Variants in SLC23A2 observed in about 807,000 individuals in gnomAD.
The protein encoded by SLC23A2 is solute carrier family 23 member 2.
In SLC23A2, 36 loss-of-function variants were observed where a neutral mutation model predicts 73.3. That is an observed-to-expected ratio of 0.49 (90% CI 0.38 to 0.65). SLC23A2 has a LOEUF of 0.65. Ranked by LOEUF, SLC23A2 falls within the 30% of genes least tolerant of loss-of-function variation. SLC23A2 has a pLI of 0.00. For missense variants in SLC23A2, 507 were observed against 841.6 expected, an observed-to-expected ratio of 0.60 and a Z score of 4.92; for synonymous variants, 343 against 327.3, an observed-to-expected ratio of 1.05 and a Z score of -0.52.
At chr20:5,006,519 G>A (rs1244612652) in intron 1 of SLC23A2, among the ~76,000 whole-genome samples, 1 of 151,708 alleles carries the variant, frequency 6.6e-6, no homozygotes, top group Non-Finnish European at 1.5e-5. Context: ...TCATCAAATT[G>A]ATGGCAAATG....
chr20:4,973,083 G>C (rs984313927), intron 1 of SLC23A2, among the ~76,000 whole-genome samples: 2 of 152,180 alleles, frequency 1.3e-5, no homozygotes, highest in African/African-American at 4.8e-5. Flanking sequence ...CAATATGTGT[G>C]GTTATGATTT....
chr20:4,957,344 C>T (rs1180707565), intron 2 of SLC23A2, among the ~76,000 whole-genome samples: 2 of 151,876 alleles, frequency 1.3e-5, no homozygotes, highest in Non-Finnish European at 2.9e-5. Flanking sequence ...TGCCTGTTAT[C>T]CCAGCTACTC....
intron 2 of SLC23A2, among the ~76,000 whole-genome samples, chr20:4,941,571 G>T (rs565871388): frequency 2.0e-5 from 3 of 151,884 alleles, no homozygotes; most frequent in Admixed American, 2.0e-4. Context: ...GCGTGGTGGA[G>T]CATGCCTGTA....
intron 2 of SLC23A2, among the ~76,000 whole-genome samples, chr20:4,964,852 A>G (rs1439529673): frequency 6.6e-6 from 1 of 150,566 alleles, no homozygotes; most frequent in Non-Finnish European, 1.5e-5. Flanking sequence ...AAAAAGAAGA[A>G]AAGAAAAAAA....
chr20:4,938,334 CTTT>C (rs752802054), intron 2 of SLC23A2, among the ~76,000 whole-genome samples: 23 of 124,896 alleles, frequency 1.8e-4, no homozygotes, highest in African/African-American at 5.1e-4. Context: ...CTCATTCCAT[CTTT>C]TTTTTTTTTT....
At chr20:4,992,180 A>G (rs2122330804) in intron 1 of SLC23A2, among the ~76,000 whole-genome samples, 1 of 152,314 alleles carries the variant, frequency 6.6e-6, no homozygotes, top group Admixed American at 6.5e-5. Flanking sequence ...AGGCACTACC[A>G]GATAATAAAG....
chr20:4,873,849 G>A (rs1436735020), intron 11 of SLC23A2, 87 bp downstream of exon 11: 6 of 1,348,438 alleles, frequency 4.4e-6, no homozygotes, highest in Non-Finnish European at 5.1e-6. Context: ...GACAGTCTGG[G>A]ACAAAGACGG....
At chr20:5,007,621 T>C (rs1330492443) in intron 1 of SLC23A2, among the ~76,000 whole-genome samples, 1 of 152,176 alleles carries the variant, frequency 6.6e-6, no homozygotes, top group Non-Finnish European at 1.5e-5. Context: ...GTACCACTAA[T>C]TTTAGAACAT....
Position 4,983,603 on chromosome 20 carries a change from G to A in SLC23A2, c.-281-12684C>T, listed in dbSNP as rs369291878. Among the ~76,000 whole-genome samples the A allele has an allele frequency of 1.8e-4, 26 of 145,364 alleles. No homozygotes were observed. The East Asian group carries it at 1.8e-3, about 10-fold the overall frequency. ...GGAGTTTGCAGTGAGCCGAGACCGC[G>A]CCACTGCACTCCAGCCTGGGTGACA... On this transcript the variant is annotated intron_variant, in intron 1 of 16. Coordinates refer to ENST00000338244, the MANE Select transcript of SLC23A2 (RefSeq NM_005116.6).
At chr20:4,991,720 TCACACACACACACACACACACACA>T (rs11471369) in intron 1 of SLC23A2, among the ~76,000 whole-genome samples, 14 of 139,424 alleles carry the variant, frequency 1.0e-4, no homozygotes, top group African/African-American at 3.0e-4. Context: ...AGACTCCGTT[TCACACACACACACACACACACACA>T]CACACACACA....
At chr20:4,871,631 T>C (rs1193994634) in intron 11 of SLC23A2, among the ~76,000 whole-genome samples, 1 of 152,108 alleles carries the variant, frequency 6.6e-6, no homozygotes. Flanking sequence ...AAGGGCAGAA[T>C]TGCTCCTGCC....
chr20:4,939,126 G>C (rs1319613636), intron 2 of SLC23A2, among the ~76,000 whole-genome samples: 1 of 152,184 alleles, frequency 6.6e-6, no homozygotes, highest in Non-Finnish European at 1.5e-5. Context: ...AACAAAGCAA[G>C]ATCATGTCTA....
At chr20:4,881,769 G>T (rs181041981) in intron 9 of SLC23A2, among the ~76,000 whole-genome samples, 2 of 152,130 alleles carry the variant, frequency 1.3e-5, no homozygotes, top group African/African-American at 4.8e-5. Flanking sequence ...GAATTTTCTT[G>T]AGAACACCTC....
intron 2 of SLC23A2, among the ~76,000 whole-genome samples, chr20:4,955,139 G>A (rs1264385626): frequency 6.6e-6 from 1 of 151,920 alleles, no homozygotes; most frequent in Non-Finnish European, 1.5e-5. Context: ...TGTGGTCCCA[G>A]CTACTGGGAA....
chr20:4,880,736 T>C (rs1036653178), intron 9 of SLC23A2, among the ~76,000 whole-genome samples: 10 of 151,630 alleles, frequency 6.6e-5, no homozygotes, highest in Non-Finnish European at 1.2e-4. Context: ...CACCTCTGCA[T>C]GCCTGGGTGC....
At chr20:4,959,629 A>G (rs1482557414) in intron 2 of SLC23A2, among the ~76,000 whole-genome samples, 2 of 151,356 alleles carry the variant, frequency 1.3e-5, no homozygotes, top group East Asian at 3.9e-4. Flanking sequence ...TCCCAAGTAG[A>G]TGGGACTATA....
In SLC23A2 at chr20:4,901,170, C is replaced by T. The variant is rs150581826; in HGVS notation, c.324+1272G>A. 2.8e-3 allele frequency among the ~76,000 whole-genome samples: 430 copies of T among 152,252 alleles called. 2 individuals are homozygous for T. Among genetic ancestry groups the T allele is most frequent in the African/African-American group, 9.9e-3 (413 of 41,524 alleles). ...TGCCGAGGCCACTCAGCTCCTTTTG[C>T]TCTGACTCCTCCCCTACTCAACAGA... On this transcript the variant is annotated intron_variant, in intron 5 of 16. Transcript: ENST00000338244.
chr20:4,900,478 GCTAA>G (rs930705752), intron 5 of SLC23A2, among the ~76,000 whole-genome samples: 1 of 152,130 alleles, frequency 6.6e-6, no homozygotes, highest in African/African-American at 2.4e-5. Flanking sequence ...GATTTGATTT[GCTAA>G]TATTTTATAC....
At chr20:4,954,706 A>G (rs1468228214) in intron 2 of SLC23A2, among the ~76,000 whole-genome samples, 1 of 151,338 alleles carries the variant, frequency 6.6e-6, no homozygotes, top group Non-Finnish European at 1.5e-5. Context: ...CACAAAAAAA[A>G]AAAAAAAAAA....
Sources: gnomAD v4.1 joint callset for allele counts (sites outside exome capture counted in the v4.1 genomes callset) on GRCh38, gnomAD v4.1.1 for gene constraint, MANE v1.5 for transcripts, NCBI Gene and HGNC (gene_info 2026-07-23, HGNC 2026-07-21) for gene names.